Variants in NIPA2 observed in about 807,000 individuals in gnomAD.
The protein encoded by NIPA2 is NIPA magnesium transporter 2.
In NIPA2, 11 loss-of-function variants were observed where a neutral mutation model predicts 29.7. That is an observed-to-expected ratio of 0.37 (90% CI 0.23 to 0.61). The LOEUF is 0.61. Among genes scored for constraint, NIPA2 ranks in the 20% least tolerant of loss-of-function variants. The probability of loss-of-function intolerance (pLI) is 0.66; values close to 1 mark genes in which losing one functional copy is unlikely to be tolerated. For missense variants in NIPA2, 426 were observed against 437.9 expected (o/e 0.97, Z 0.24); for synonymous variants, 183 against 161.9 (o/e 1.13, Z -0.99).
At chr15:22,860,420 G>T (rs896580652) in intron 6 of NIPA2, among the ~76,000 whole-genome samples, 1 of 152,194 alleles carries the variant, frequency 6.6e-6, no homozygotes, top group Admixed American at 6.5e-5. Flanking sequence ...AAGTATACAG[G>T]TGTAGTGTAT....
intron 3 of NIPA2, among the ~76,000 whole-genome samples, chr15:22,850,922 A>G (rs1028407897): frequency 6.6e-6 from 1 of 152,198 alleles, no homozygotes; most frequent in African/African-American, 2.4e-5. Flanking sequence ...TTTCTCTGCT[A>G]TCCACACTGT....
intron 7 of NIPA2, 116 bp from the exon 8 acceptor site, chr15:22,866,097 T>A: frequency 1.2e-6 from 1 of 844,946 alleles, no homozygotes; most frequent in Non-Finnish European, 1.8e-6. Context: ...TAAAGCTGAT[T>A]TTTATTTCCA....
chr15:22,850,209 A>G (rs1336564022), intron 3 of NIPA2, among the ~76,000 whole-genome samples: 1 of 152,094 alleles, frequency 6.6e-6, no homozygotes, highest in South Asian at 2.1e-4. Context: ...TCATGCTCAC[A>G]GTTCTGTGAG....
chr15:22,864,468 A>C lies in NIPA2; in HGVS notation c.449-1745A>C, dbSNP rs1295269254. Among the ~76,000 whole-genome samples, 4 of 151,950 alleles carry C rather than the reference A, an allele frequency of 2.6e-5. No homozygotes were observed. The East Asian group carries it at 7.8e-4, about 30-fold the overall frequency. On this transcript the variant is annotated intron_variant, in intron 7 of 7. Transcript: ENST00000337451. ...CACGCCCGGCCTGCTGTCCTCTGTT[A>C]TGTAAAAGTTGGGCTGGTCAGATCC...
At position 22,867,583 on chromosome 15, in the gene NIPA2, T is replaced by C. The variant is rs1034578580; in HGVS notation, c.*736T>C. 2.8e-4 allele frequency: 52 copies of C among 185,464 alleles called. No individual in the cohort carries two copies. Among genetic ancestry groups the C allele is most frequent in the Non-Finnish European group, 2.7e-4 (25 of 91,030 alleles). The allele number at this position is 185,464 out of a possible 1,614,324, so 11.5% of individuals were successfully genotyped here. A position where few individuals can be genotyped will look rare whatever the true frequency, so the allele number is the denominator to read the frequency against. On this transcript the variant is annotated 3_prime_UTR_variant, in exon 8 of 8. Transcript: ENST00000337451. ...TGATGCCTGGAACCTTGATTACCGT[T>C]TTACATCAGCTCTTGTACTTTTCAG... is the stretch of plus-strand genomic sequence containing the variant.
intron 2 of NIPA2, among the ~76,000 whole-genome samples, chr15:22,844,468 T>C (rs4778361): frequency 0.27 from 40,403 of 151,576 alleles, 5,826 homozygotes; most frequent in African/African-American, 0.36. Context: ...GCAGGAGACT[T>C]GCTTGAACCC....
chr15:22,843,310 C>T (rs1164964248), intron 2 of NIPA2, among the ~76,000 whole-genome samples: 1 of 151,940 alleles, frequency 6.6e-6, no homozygotes, highest in Non-Finnish European at 1.5e-5. Flanking sequence ...CGAGACCATC[C>T]TGGCTAACAT....
intron 2 of NIPA2, among the ~76,000 whole-genome samples, chr15:22,840,292 TTTTTTTTTTG>T (rs963429888): frequency 6.9e-6 from 1 of 145,710 alleles, no homozygotes; most frequent in African/African-American, 2.5e-5. Flanking sequence ...TATATATAGT[TTTTTTTTTTG>T]TTTTTTTTTT....
rs1231699421 is a variant in NIPA2 at position 22,849,062 on chromosome 15, G to A, written c.-93-2577G>A. ...AGTGTAAGCACACCTGCTTTTTGTT[G>A]CAATCTTACAGCGTGTAGAAATGAT... On this transcript the variant is annotated intron_variant, in intron 3 of 7. Transcript: ENST00000337451. Among the ~76,000 whole-genome samples, 3 of 152,048 alleles carry A rather than the reference G, an allele frequency of 2.0e-5. No individual in the cohort carries two copies. The East Asian group carries it at 5.8e-4, about 29-fold the overall frequency.
chr15:22,858,390 T>C, intron 5 of NIPA2, 150 bp from the exon 6 acceptor site: 1 of 478,006 alleles, frequency 2.1e-6, no homozygotes. Flanking sequence ...TGAGACTCCG[T>C]CTCAAAAAAA....
intron 2 of NIPA2, among the ~76,000 whole-genome samples, chr15:22,843,226 C>T (rs909234857): frequency 7.9e-5 from 12 of 151,892 alleles, no homozygotes; most frequent in South Asian, 2.1e-4. Context: ...GGACTTGGGC[C>T]AGGTGCGGTG....
chr15:22,857,521 G>A (rs939164894), intron 5 of NIPA2, among the ~76,000 whole-genome samples: 16 of 151,308 alleles, frequency 1.1e-4, no homozygotes, highest in African/African-American at 3.9e-4. Context: ...ACAGGACCTG[G>A]TGTATAGCAT....
chr15:22,841,969 A>G (rs574258062), intron 2 of NIPA2, among the ~76,000 whole-genome samples: 131 of 152,196 alleles, frequency 8.6e-4, no homozygotes, highest in Admixed American at 2.4e-3. Flanking sequence ...GCTTCTACTC[A>G]AGTGTTACTG....
In NIPA2 at chr15:22,840,305, T is replaced by TG. The variant is rs562097169; in HGVS notation, c.-216+515_-216+516insG. On this transcript the variant is annotated intron_variant, in intron 2 of 7. Coordinates refer to ENST00000337451, the MANE Select transcript of NIPA2 (RefSeq NM_030922.7). Reference sequence around the variant, plus strand: ...TCTATATATAGTTTTTTTTTTTGTTTTTTTTTTTTTGAGATGGAATCTTGC... The same window carrying TG: ...TCTATATATAGTTTTTTTTTTTGTTTGTTTTTTTTTTGAGATGGAATCTTGC... 3.4e-4 allele frequency among the ~76,000 whole-genome samples: 51 copies of TG among 149,878 alleles called. 2 individuals are homozygous for TG. In the South Asian group the frequency reaches 9.5e-3, roughly 28 times the overall value.
chr15:22,857,851 A>C (rs1182185940), intron 5 of NIPA2, among the ~76,000 whole-genome samples: 1 of 151,564 alleles, frequency 6.6e-6, no homozygotes. Flanking sequence ...AAAAAAAAAA[A>C]AAAAAAAGGA....
chr15:22,867,393 A>G lies in NIPA2; in HGVS notation c.*546A>G. The G allele has an allele frequency of 5.2e-6, 2 of 387,370 alleles. No individual in the cohort carries two copies. The highest frequency in any genetic ancestry group is 9.1e-6 in the Non-Finnish European group (2 of 219,904). The allele number at this position is 387,370 out of a possible 1,614,324, so 24.0% of individuals were successfully genotyped here. The stretch of plus-strand genomic sequence containing the variant: ...AAGGAACCTCTTTCTTACAAAACAA[A>G]AAAAAGGGCAGAAATCACCCCAAGG... On this transcript the variant is annotated 3_prime_UTR_variant, in exon 8 of 8. Coordinates refer to ENST00000337451, the MANE Select transcript of NIPA2 (RefSeq NM_030922.7).
At chr15:22,843,586 A>T (rs963449759) in intron 2 of NIPA2, among the ~76,000 whole-genome samples, 47 of 151,754 alleles carry the variant, frequency 3.1e-4, no homozygotes, top group African/African-American at 1.1e-3. Context: ...CTTTGTTGAA[A>T]TGTCAAAAGT....
In NIPA2 at chr15:22,866,627, CA is replaced by C. The variant is rs2059096171; in HGVS notation, c.865del (p.Ile289SerfsTer18). 2 of 1,614,074 alleles carry C rather than the reference CA, an allele frequency of 1.2e-6. No homozygotes were observed. The highest frequency in any genetic ancestry group is 1.7e-6 in the Non-Finnish European group (2 of 1,179,964). Reference protein sequence around the residue: ...DVIGTLSGFFTIIVGIFLLHA... With the variant: ...DVIGTLSGFFXIIVGIFLLHA... ...ATTGGTACTTTGAGTGGCTTCTTTA[CA>C]ATCATTGTGGGGATATTCTTGTTGC... On this transcript the variant is annotated frameshift_variant, in exon 8 of 8. Coordinates refer to ENST00000337451, the MANE Select transcript of NIPA2 (RefSeq NM_030922.7). LOFTEE classifies it high-confidence loss of function.
At chr15:22,851,209 C>T (rs1470108480) in intron 3 of NIPA2, among the ~76,000 whole-genome samples, 2 of 152,144 alleles carry the variant, frequency 1.3e-5, no homozygotes, top group Non-Finnish European at 2.9e-5. Context: ...TTATGTGCAC[C>T]TATTGCTAAG....
Sources: allele counts gnomAD v4.1 joint callset (sites outside exome capture counted in the v4.1 genomes callset), GRCh38; gene constraint gnomAD v4.1.1; transcripts MANE v1.5; gene names NCBI Gene and HGNC (gene_info 2026-07-23, HGNC 2026-07-21).